The following FRMPD4 variants were observed in gnomAD, a reference collection of about 807,000 sequenced individuals.
FRMPD4 encodes the protein FERM and PDZ domain containing 4.
Under a neutral mutation model 94.1 loss-of-function variants are expected in FRMPD4, and 22 were observed. The ratio of observed to expected loss-of-function variants is 0.23; its 90% CI spans 0.17 to 0.33. The LOEUF is 0.33. Ranked by LOEUF, FRMPD4 falls within the 10% of genes least tolerant of loss-of-function variation. The pLI, the probability that FRMPD4 is intolerant of heterozygous loss-of-function variation, is 1.00. For synonymous variants in FRMPD4, 631 were observed against 548.6 expected, an observed-to-expected ratio of 1.15 and a Z score of -2.10; for missense variants, 1,111 against 1,339.9, an observed-to-expected ratio of 0.83 and a Z score of 2.67.
intron 1 of FRMPD4, among the ~76,000 whole-genome samples, chrX:12,379,642 CGTGTGTGTGT>C (rs55742933): frequency 4.8e-4 from 43 of 89,976 alleles, no homozygotes; most frequent in Admixed American, 2.4e-3. Flanking sequence ...GATATGCTGC[CGTGTGTGTGT>C]GTGTGTGTGT....
In FRMPD4 at chrX:11,903,955, T is replaced by C. The variant is rs1337670388; in HGVS notation, c.95+25937T>C. Among the ~76,000 whole-genome samples, 3 of 110,471 alleles carry C rather than the reference T, an allele frequency of 2.7e-5. No individual in the cohort carries two copies. The East Asian group carries it at 8.6e-4, about 32-fold the overall frequency. ...CTGCCAAACCTGGCTAATTTTTTAATTTTTTTTGTAGTGATGGGGGTCTCA... is the reference window on the plus strand; with the variant it reads ...CTGCCAAACCTGGCTAATTTTTTAACTTTTTTTGTAGTGATGGGGGTCTCA... On this transcript the variant is annotated intron_variant, in intron 3 of 18. Transcript: ENST00000640291.
chrX:12,498,629 G>GGAAT (rs1038679841), intron 1 of FRMPD4, 51 bp from the exon 2 acceptor site: 2 of 685,959 alleles, frequency 2.9e-6, no homozygotes, highest in African/African-American at 4.3e-5. Context: ...TGTCTCAGAA[G>GGAAT]GAATGTTCAG....
intron 3 of FRMPD4, among the ~76,000 whole-genome samples, chrX:12,120,665 C>T (rs2055446405): frequency 8.9e-6 from 1 of 111,941 alleles, no homozygotes; most frequent in Non-Finnish European, 1.9e-5. Flanking sequence ...GAAGAAAATC[C>T]AAGACTAGGA....
At chrX:11,885,879 A>G (rs1368490633) in intron 3 of FRMPD4, among the ~76,000 whole-genome samples, 3 of 111,958 alleles carry the variant, frequency 2.7e-5, no homozygotes, top group Non-Finnish European at 5.6e-5. Context: ...ATAACCCCAT[A>G]GGTGGTTTCT....
chrX:12,618,451 G>T (rs2059256290), intron 4 of FRMPD4, among the ~76,000 whole-genome samples: 1 of 111,558 alleles, frequency 9.0e-6, no homozygotes, highest in African/African-American at 3.3e-5. Flanking sequence ...GTTGGCGAGG[G>T]TAGTATTTGG....
chrX:12,667,608 G>A (rs2059793570), intron 4 of FRMPD4, among the ~76,000 whole-genome samples: 1 of 112,537 alleles, frequency 8.9e-6, no homozygotes, highest in African/African-American at 3.2e-5. Flanking sequence ...TAGAGGGATT[G>A]TAATACTGGA....
chrX:12,404,972 T>C (rs940034945), intron 1 of FRMPD4, among the ~76,000 whole-genome samples: 1 of 111,480 alleles, frequency 9.0e-6, no homozygotes, highest in African/African-American at 3.3e-5. Context: ...AGGTGGCTAC[T>C]GGATTTGGCT....
At chrX:12,019,492 C>G (rs1471880829) in intron 3 of FRMPD4, among the ~76,000 whole-genome samples, 2 of 110,381 alleles carry the variant, frequency 1.8e-5, no homozygotes, top group African/African-American at 6.6e-5. Context: ...AAGCCATTCC[C>G]CTGGTTAGTA....
intron 2 of FRMPD4, among the ~76,000 whole-genome samples, chrX:12,528,544 C>T (rs182648155): frequency 1.5e-3 from 169 of 110,205 alleles, no homozygotes; most frequent in African/African-American, 5.4e-3. Flanking sequence ...TCGTCTTGAA[C>T]TCCTGACTTG....
chrX:12,182,908 G>A (rs983212782), intron 1 of FRMPD4, among the ~76,000 whole-genome samples: 2 of 111,260 alleles, frequency 1.8e-5, no homozygotes, highest in African/African-American at 6.5e-5. Context: ...ATTGATTACA[G>A]TCAATGTCTG....
chrX:12,676,415 A>G (rs1439357730), intron 5 of FRMPD4, among the ~76,000 whole-genome samples: 4 of 113,083 alleles, frequency 3.5e-5, no homozygotes, highest in Non-Finnish European at 7.5e-5. Flanking sequence ...TATAATAAGC[A>G]TCGAACAACT....
chrX:12,701,828 C>T (rs776728792), intron 9 of FRMPD4, 46 bp from the exon 10 acceptor site: 62 of 1,186,261 alleles, frequency 5.2e-5, no homozygotes, highest in Non-Finnish European at 6.6e-5. Flanking sequence ...CCACGCGCTG[C>T]GGCCTATTCT....
chrX:12,515,105 C>A (rs1447321406), intron 2 of FRMPD4, among the ~76,000 whole-genome samples: 1 of 111,144 alleles, frequency 9.0e-6, no homozygotes, highest in African/African-American at 3.3e-5. Flanking sequence ...ATTCTTCTGT[C>A]TTTTCTTAGC....
At chrX:11,934,461 G>T (rs13362956) in intron 3 of FRMPD4, among the ~76,000 whole-genome samples, 38,537 of 110,578 alleles carry the variant, frequency 0.35, 5,404 homozygotes, top group East Asian at 0.82. Flanking sequence ...CCATTCCCAG[G>T]GAAGTCTCCA....
chrX:12,170,311 T>C (rs1238301071), intron 1 of FRMPD4, among the ~76,000 whole-genome samples: 3 of 109,902 alleles, frequency 2.7e-5, no homozygotes, highest in Non-Finnish European at 5.7e-5. Context: ...AACCAACCAA[T>C]TGTGCTACCT....
intron 1 of FRMPD4, among the ~76,000 whole-genome samples, chrX:11,836,337 C>T (rs2053501022): frequency 8.9e-6 from 1 of 111,806 alleles, no homozygotes; most frequent in Non-Finnish European, 1.9e-5. Flanking sequence ...TAAAGGACTA[C>T]TGAGATTTTT....
chrX:12,686,058 T>G (rs1157590468), intron 6 of FRMPD4, 39 bp from the exon 7 acceptor site: 1 of 640,577 alleles, frequency 1.6e-6, no homozygotes, highest in East Asian at 3.3e-5. Flanking sequence ...GAGTTATAAT[T>G]TGATCAATTT....
At chrX:12,152,414 A>G (rs1374248078) in intron 1 of FRMPD4, among the ~76,000 whole-genome samples, 32 of 111,441 alleles carry the variant, frequency 2.9e-4, no homozygotes. Context: ...AAATATGCTT[A>G]TATTTACATA....
chrX:12,382,936 C>T (rs1463544171), intron 1 of FRMPD4, among the ~76,000 whole-genome samples: 3 of 112,130 alleles, frequency 2.7e-5, no homozygotes, highest in Non-Finnish European at 5.6e-5. Flanking sequence ...ACTCGGAAAA[C>T]GTTTGTTGGA....
Sources: gnomAD v4.1 joint callset for allele counts (sites outside exome capture counted in the v4.1 genomes callset) on GRCh38, gnomAD v4.1.1 for gene constraint, MANE v1.5 for transcripts, NCBI Gene and HGNC (gene_info 2026-07-23, HGNC 2026-07-21) for gene names.